The following ADAMTSL3 variants were observed in gnomAD, a reference collection of about 807,000 sequenced individuals.
ADAMTSL3 encodes the protein ADAMTS like 3.
A neutral mutation model predicts 201.7 loss-of-function variants in ADAMTSL3; 128 were observed. The ratio of observed to expected loss-of-function variants is 0.63; its 90% CI spans 0.55 to 0.73. ADAMTSL3 has a LOEUF of 0.73. ADAMTSL3 is among the 30% of genes least tolerant of loss of function. The pLI, the probability that ADAMTSL3 is intolerant of heterozygous loss-of-function variation, is 0.00. For missense variants in ADAMTSL3, 1,990 were observed against 2,119.6 expected (o/e 0.94, Z 1.20); for synonymous variants, 738 against 748.4 (o/e 0.99, Z 0.23).
At chr15:83,714,791 T>TTC (rs149469907) in intron 3 of ADAMTSL3, among the ~76,000 whole-genome samples, 1 of 78,796 alleles carries the variant, frequency 1.3e-5, no homozygotes, top group African/African-American at 5.1e-5. Flanking sequence ...TTCTTTTTCT[T>TTC]TCTCTCTCTT....
chr15:83,853,425 T>G (rs2064661432), intron 7 of ADAMTSL3, among the ~76,000 whole-genome samples: 1 of 152,236 alleles, frequency 6.6e-6, no homozygotes, highest in South Asian at 2.1e-4. Flanking sequence ...GCAGTGTTTC[T>G]AATGTTTAAG....
At chr15:83,753,927 G>C (rs1009829186) in intron 3 of ADAMTSL3, among the ~76,000 whole-genome samples, 1 of 152,206 alleles carries the variant, frequency 6.6e-6, no homozygotes, top group Non-Finnish European at 1.5e-5. Flanking sequence ...GAAGGTTGAA[G>C]ATTTTAATAA....
At chr15:83,937,192 A>G (rs746063118) in intron 17 of ADAMTSL3, among the ~76,000 whole-genome samples, 10 of 151,038 alleles carry the variant, frequency 6.6e-5, no homozygotes, top group Non-Finnish European at 1.5e-4. Context: ...TCATTCTACC[A>G]TAAAGACACA....
rs61733167 is a variant in ADAMTSL3 at position 83,773,601 on chromosome 15, A to G, written c.268A>G (p.Thr90Ala). 3.1e-6 allele frequency: 5 copies of G among 1,613,244 alleles called. No homozygotes were observed. The highest frequency in any genetic ancestry group is 4.2e-6 in the Non-Finnish European group (5 of 1,179,802). The part of the protein sequence containing the change: ...AWGDWSDCSR[T>A]CGGGASYSLR... Reference sequence around the variant, plus strand: ...GGGCGACTGGAGTGACTGCTCCCGGACCTGTGGGGGAGGAGCATCATATTC... The same window carrying G: ...GGGCGACTGGAGTGACTGCTCCCGGGCCTGTGGGGGAGGAGCATCATATTC... The change falls in exon 4 of 30, where the codon ACC (threonine) becomes GCC (alanine). Residue 90 changes from threonine (T) to alanine (A), a missense_variant. Transcript: ENST00000286744.
At chr15:83,831,504 C>T (rs756978091) in intron 6 of ADAMTSL3, among the ~76,000 whole-genome samples, 18 of 152,042 alleles carry the variant, frequency 1.2e-4, no homozygotes, top group Non-Finnish European at 2.1e-4. Flanking sequence ...TTTTAGGGTA[C>T]CTGAAGCATA....
In ADAMTSL3 at chr15:83,913,275, C is replaced by T; in HGVS notation, c.1884C>T (p.Ser628=). ...GCCTCCTGGAAGCATGTGATGAGAG[C>T]CCGGCCTCCCGAGAGCTAGACATCC... ...RPCLLEACDE[S]PASRELDIPL... Residue 628 remains serine, a synonymous_variant, in exon 16 of 30, where the codon AGC becomes AGT. Coordinates refer to ENST00000286744, the MANE Select transcript of ADAMTSL3 (RefSeq NM_207517.3). 6.2e-7 allele frequency: 1 copy of T among 1,614,022 alleles called. No homozygotes were observed. Among genetic ancestry groups the T allele is most frequent in the Non-Finnish European group, 8.5e-7 (1 of 1,180,032 alleles).
At chr15:83,841,043 T>G (rs889674948) in intron 7 of ADAMTSL3, among the ~76,000 whole-genome samples, 6 of 152,264 alleles carry the variant, frequency 3.9e-5, no homozygotes, top group Non-Finnish European at 8.8e-5. Context: ...TTTTAAATAC[T>G]GTGTTCTTTA....
intron 4 of ADAMTSL3, among the ~76,000 whole-genome samples, chr15:83,774,149 C>G (rs1404324908): frequency 6.6e-6 from 1 of 152,166 alleles, no homozygotes; most frequent in African/African-American, 2.4e-5. Flanking sequence ...CTGTGCTTAT[C>G]ATTGTTTTTG....
At chr15:83,857,981 G>A (rs948042886) in intron 7 of ADAMTSL3, among the ~76,000 whole-genome samples, 2 of 152,222 alleles carry the variant, frequency 1.3e-5, no homozygotes, top group African/African-American at 4.8e-5. Context: ...AATTATCAGT[G>A]TATGTAGCAG....
chr15:83,812,209 A>C (rs1210603422), intron 5 of ADAMTSL3, among the ~76,000 whole-genome samples: 2 of 152,148 alleles, frequency 1.3e-5, no homozygotes, highest in Admixed American at 6.5e-5. Context: ...CCATAGCAGG[A>C]GTGGGGACCA....
intron 2 of ADAMTSL3, chr15:83,694,257 C>T (rs1287773515): frequency 6.6e-6 from 1 of 152,244 alleles, no homozygotes; most frequent in Non-Finnish European, 1.5e-5. Context: ...ACTCATGCCC[C>T]TCGGATAACA....
rs908567872 is a variant in ADAMTSL3 at position 83,892,980 on chromosome 15, CA to C, written c.1467+101del. 2.3e-3 allele frequency: 2,756 copies of C among 1,196,190 alleles called. 2 individuals are homozygous for C. The highest frequency in any genetic ancestry group is 2.6e-3 in the Non-Finnish European group (2,296 of 869,038). 74.1% of individuals were successfully genotyped at this position (1,196,190 alleles called of 1,614,324 possible). On this transcript the variant is annotated intron_variant, in intron 13 of 29. Transcript: ENST00000286744. ...ACCATGGTGCTAGACAGCATGGAGACAAAAAAAAAGTGGTAAAAGAGCATGG... is the reference window on the plus strand; with the variant it reads ...ACCATGGTGCTAGACAGCATGGAGACAAAAAAAAGTGGTAAAAGAGCATGG...
chr15:83,938,737 A>C (rs1247767258), intron 17 of ADAMTSL3, among the ~76,000 whole-genome samples: 1 of 152,042 alleles, frequency 6.6e-6, no homozygotes, highest in African/African-American at 2.4e-5. Context: ...TTTGTTTTTT[A>C]CATATTCTGT....
chr15:83,943,126 T>TC, intron 19 of ADAMTSL3, 44 bp downstream of exon 19: 1 of 1,547,776 alleles, frequency 6.5e-7, no homozygotes, highest in East Asian at 2.3e-5. Flanking sequence ...TTTCTGCCCC[T>TC]CCTTTGTTTC....
chr15:83,799,557 G>A (rs972552002), intron 4 of ADAMTSL3, among the ~76,000 whole-genome samples: 14 of 151,942 alleles, frequency 9.2e-5, no homozygotes, highest in African/African-American at 2.4e-4. Context: ...CAGGCTTTAT[G>A]ACACCATTAT....
chr15:83,706,677 G>A (rs1327510148), intron 3 of ADAMTSL3, among the ~76,000 whole-genome samples: 3 of 151,108 alleles, frequency 2.0e-5, no homozygotes, highest in Non-Finnish European at 4.4e-5. Flanking sequence ...GTCTTGTTCT[G>A]TCACCCAGGC....
intron 15 of ADAMTSL3, 150 bp from the exon 16 acceptor site, chr15:83,912,942 A>C (rs939252539): frequency 1.3e-6 from 1 of 761,150 alleles, no homozygotes; most frequent in African/African-American, 1.8e-5. Flanking sequence ...ATTACTGACC[A>C]TCAACAAAAG....
chr15:83,841,826 T>C (rs1274958424), intron 7 of ADAMTSL3, among the ~76,000 whole-genome samples: 1 of 151,822 alleles, frequency 6.6e-6, no homozygotes, highest in Non-Finnish European at 1.5e-5. Context: ...CCCCATTCTG[T>C]GTCTATAAAA....
chr15:83,736,850 C>T (rs2062376301), intron 3 of ADAMTSL3, among the ~76,000 whole-genome samples: 3 of 152,148 alleles, frequency 2.0e-5, no homozygotes, highest in South Asian at 2.1e-4. Context: ...CACTTCTCCA[C>T]GACCACTACA....
Sources: allele counts gnomAD v4.1 joint callset (sites outside exome capture counted in the v4.1 genomes callset), GRCh38; gene constraint gnomAD v4.1.1; transcripts MANE v1.5; gene names NCBI Gene and HGNC (gene_info 2026-07-23, HGNC 2026-07-21).